CMIP: variants seen among roughly 807,000 people sequenced by gnomAD.
CMIP encodes C-Maf-inducing protein.
CMIP carries 13 observed loss-of-function variants against 97.3 expected under a neutral mutation model. That is an observed-to-expected ratio of 0.13 (90% CI 0.09 to 0.21). The LOEUF is 0.21. CMIP is among the 10% of genes least tolerant of loss of function. The pLI, the probability that CMIP is intolerant of heterozygous loss-of-function variation, is 1.00. For missense variants in CMIP, 847 were observed against 1,024.9 expected, an observed-to-expected ratio of 0.83 and a Z score of 2.37; for synonymous variants, 538 against 436.3, an observed-to-expected ratio of 1.23 and a Z score of -2.91.
At chr16:81,620,605 G>A (rs1048814430) in intron 2 of CMIP, 7 of 405,618 alleles carry the variant, frequency 1.7e-5, no homozygotes, top group African/African-American at 1.4e-4. Context: ...AAGCTCTCAA[G>A]TCAGCAGTGT....
At chr16:81,536,275 T>A (rs1229670179) in intron 1 of CMIP, among the ~76,000 whole-genome samples, 1 of 152,150 alleles carries the variant, frequency 6.6e-6, no homozygotes, top group African/African-American at 2.4e-5. Context: ...TTGGGAGTGC[T>A]CCTTGCCTTG....
chr16:81,621,058 TCCCCTA>T lies in CMIP; in HGVS notation c.477+135_477+140del. The T allele has an allele frequency of 9.2e-7, 1 of 1,091,230 alleles. No individual in the cohort carries two copies. The highest frequency in any genetic ancestry group is 1.3e-6 in the Non-Finnish European group (1 of 752,726). The allele number at this position is 1,091,230 out of a possible 1,614,324, so 67.6% of individuals were successfully genotyped here. Reference sequence around the variant, plus strand: ...AGATGGCTCAGCTGAGGAACTTTGTTCCCCTACCTAAGAGCCCCTGGCCCTTCGTCC... The same window carrying T: ...AGATGGCTCAGCTGAGGAACTTTGTTCCTAAGAGCCCCTGGCCCTTCGTCC... On this transcript the variant is annotated intron_variant, in intron 3 of 20. Coordinates refer to ENST00000537098, the MANE Select transcript of CMIP (RefSeq NM_198390.3). The surrounding 1 kb of genome is among the most constrained non-coding windows in gnomAD (Gnocchi z 4.1).
Position 81,678,886 on chromosome 16 carries a change from G to A in CMIP, c.1388+258G>A, listed in dbSNP as rs1215832739. 2.6e-5 allele frequency among the ~76,000 whole-genome samples: 4 copies of A among 152,368 alleles called. No homozygotes were observed. In the East Asian group the frequency reaches 7.7e-4, roughly 29 times the overall value. On this transcript the variant is annotated intron_variant, in intron 10 of 20. Coordinates refer to ENST00000537098, the MANE Select transcript of CMIP (RefSeq NM_198390.3). ...CTGGTTGTGTATCTGTGAGCATATG[G>A]TGTGTGTATATACACACGTGGGGTG...
In CMIP at chr16:81,453,892, C is replaced by T. The variant is rs184998362; in HGVS notation, c.300+8351C>T. Among the ~76,000 whole-genome samples the T allele has an allele frequency of 6.6e-5, 10 of 152,322 alleles. No homozygotes were observed. The highest frequency in any genetic ancestry group is 2.4e-4 in the African/African-American group (10 of 41,574). Reference sequence around the variant, plus strand: ...GCTAGAACTCAGACACACGGCCACACGGAGTGCAGGGGAAGACTTGGGAAC... The same window carrying T: ...GCTAGAACTCAGACACACGGCCACATGGAGTGCAGGGGAAGACTTGGGAAC... On this transcript the variant is annotated intron_variant, in intron 1 of 20. Transcript: ENST00000537098. The surrounding 1 kb of genome is among the most constrained non-coding windows in gnomAD (Gnocchi z 4.0).
chr16:81,710,576 T>C lies in CMIP; in HGVS notation c.*777T>C, dbSNP rs1363274184. 1 of 152,220 alleles carries C rather than the reference T, an allele frequency of 6.6e-6. No individual in the cohort carries two copies. The highest frequency in any genetic ancestry group is 1.5e-5 in the Non-Finnish European group (1 of 67,992). The allele number at this position is 152,220 out of a possible 1,614,324, so 9.4% of individuals were successfully genotyped here. On this transcript the variant is annotated 3_prime_UTR_variant, in exon 21 of 21. Coordinates refer to ENST00000537098, the MANE Select transcript of CMIP (RefSeq NM_198390.3). The stretch of plus-strand genomic sequence containing the variant: ...GAACCTCCTTGGAAAAATTAATTGC[T>C]TTTTCGTAATGGATTCTCTATGCTA...
At chr16:81,467,537 T>G (rs1011523117) in intron 1 of CMIP, among the ~76,000 whole-genome samples, 11 of 152,096 alleles carry the variant, frequency 7.2e-5, no homozygotes. Context: ...TTTTTACTTT[T>G]CCTGGCCTCT....
Position 81,670,367 on chromosome 16 carries a change from C to T in CMIP, c.929+122C>T, listed in dbSNP as rs1321231381. On this transcript the variant is annotated intron_variant, in intron 8 of 20. Transcript: ENST00000537098. ...AATGAAGACTCCCTCTATGAGGAAG[C>T]CCCTAGCCTACTGCACGGTGCCCGA... The T allele has an allele frequency of 5.7e-6, 6 of 1,048,114 alleles. No individual in the cohort carries two copies. The East Asian group carries it at 8.1e-5, about 14-fold the overall frequency. The allele number at this position is 1,048,114 out of a possible 1,614,324, so 64.9% of individuals were successfully genotyped here.
chr16:81,498,620 A>G (rs572997424), intron 1 of CMIP, among the ~76,000 whole-genome samples: 1 of 152,306 alleles, frequency 6.6e-6, no homozygotes, highest in African/African-American at 2.4e-5. Context: ...TGTGCCCCAG[A>G]ACATGGCTGC....
In CMIP at chr16:81,651,304, C is replaced by G. The variant is rs539697445; in HGVS notation, c.478-899C>G. ...TGGAGGGAGTGCTTGGCCCAGACCT[C>G]CGCCTTCCGAGGGCCTCCGTTTCCA... On this transcript the variant is annotated intron_variant, in intron 3 of 20. Transcript: ENST00000537098. 928 of 387,574 alleles carry G rather than the reference C, an allele frequency of 2.4e-3. 2 individuals carry two copies. Among genetic ancestry groups the G allele is most frequent in the South Asian group, 6.2e-3 (58 of 9,410 alleles). The allele number at this position is 387,574 out of a possible 1,614,324, so 24.0% of individuals were successfully genotyped here. A position where few individuals can be genotyped will look rare whatever the true frequency, so the allele number is the denominator to read the frequency against.
intron 9 of CMIP, among the ~76,000 whole-genome samples, chr16:81,674,545 GGTGA>G (rs1458594217): frequency 3.9e-5 from 6 of 152,180 alleles, no homozygotes; most frequent in African/African-American, 9.7e-5. Flanking sequence ...AAGTAGCTGT[GGTGA>G]GTATTTACAC....
At chr16:81,603,351 G>A (rs923105256) in intron 1 of CMIP, 9 of 453,662 alleles carry the variant, frequency 2.0e-5, no homozygotes, top group Admixed American at 1.6e-4. Context: ...CAAAGTGCTG[G>A]GATTACAGGC....
At chr16:81,596,343 TA>T in intron 1 of CMIP, among the ~76,000 whole-genome samples, 1 of 152,006 alleles carries the variant, frequency 6.6e-6, no homozygotes, top group South Asian at 2.1e-4. Flanking sequence ...CCATCTCTAC[TA>T]AAAGTACAGA....
At chr16:81,523,788 C>T (rs140119087) in intron 1 of CMIP, among the ~76,000 whole-genome samples, 1,986 of 152,368 alleles carry the variant, frequency 0.013, 19 homozygotes, top group Middle Eastern at 0.041. Context: ...TGAGCTGAGT[C>T]ACCACCAGGT....
intron 1 of CMIP, among the ~76,000 whole-genome samples, chr16:81,487,119 G>T (rs549242621): frequency 1.3e-5 from 2 of 152,020 alleles, no homozygotes; most frequent in South Asian, 2.1e-4. Flanking sequence ...GTCATGGGGG[G>T]CCCTGAGAAC....
At position 81,487,425 on chromosome 16, in the gene CMIP, G is replaced by A. The variant is rs545143449; in HGVS notation, c.300+41884G>A. 3.9e-5 allele frequency among the ~76,000 whole-genome samples: 6 copies of A among 152,338 alleles called. No individual in the cohort carries two copies. In the South Asian group the frequency reaches 1.2e-3, roughly 32 times the overall value. The stretch of plus-strand genomic sequence containing the variant: ...CCGAGGCCCCAGACCAAACCACACA[G>A]CCCTTGAGGGTGAATCACTTTGAAG... On this transcript the variant is annotated intron_variant, in intron 1 of 20. Coordinates refer to ENST00000537098, the MANE Select transcript of CMIP (RefSeq NM_198390.3).
intron 1 of CMIP, among the ~76,000 whole-genome samples, chr16:81,498,868 T>G (rs900901966): frequency 6.6e-6 from 1 of 152,230 alleles, no homozygotes; most frequent in African/African-American, 2.4e-5. Flanking sequence ...TGCACACCTC[T>G]CCATACATAC....
chr16:81,542,184 A>G (rs183832265), intron 1 of CMIP, among the ~76,000 whole-genome samples: 3 of 152,176 alleles, frequency 2.0e-5, no homozygotes, highest in African/African-American at 4.8e-5. Context: ...TGGCATTCCA[A>G]ATTTTAAAAG....
At chr16:81,465,304 G>T (rs1013393801) in intron 1 of CMIP, among the ~76,000 whole-genome samples, 5 of 152,150 alleles carry the variant, frequency 3.3e-5, no homozygotes, top group Admixed American at 3.3e-4. Context: ...TGGTGTTGTG[G>T]GCTGGATCTT....
At chr16:81,660,786 T>C in intron 5 of CMIP, 98 bp from the exon 6 acceptor site, 1 of 1,302,366 alleles carries the variant, frequency 7.7e-7, no homozygotes, top group Non-Finnish European at 1.1e-6. Flanking sequence ...TTGCTCTGCA[T>C]TTATTTTTTT....
Sources: allele counts gnomAD v4.1 joint callset (sites outside exome capture counted in the v4.1 genomes callset), GRCh38; gene constraint gnomAD v4.1.1; non-coding constraint Gnocchi (gnomAD v3.1); transcripts MANE v1.5; gene names NCBI Gene and HGNC (gene_info 2026-07-23, HGNC 2026-07-21).